PCDHA7: variants seen among roughly 807,000 people sequenced by gnomAD.
PCDHA7 encodes protocadherin alpha 7, also known as protocadherin alpha-7.
PCDHA7 carries 37 observed loss-of-function variants against 57.2 expected under a neutral mutation model. That is an observed-to-expected ratio of 0.65 (90% CI 0.50 to 0.85). The LOEUF (loss-of-function observed/expected upper bound fraction) is 0.85, where lower values mean the gene tolerates loss of function less well. Ranked by LOEUF, PCDHA7 falls within the 40% of genes least tolerant of loss-of-function variation. The pLI is 0.00. For synonymous variants in PCDHA7, 553 were observed against 558.8 expected, an observed-to-expected ratio of 0.99 and a Z score of 0.15; for missense variants, 1,188 against 1,241.8, an observed-to-expected ratio of 0.96 and a Z score of 0.65.
In PCDHA7 at chr5:140,877,673, C is replaced by T. The variant is rs1187719075; in HGVS notation, c.2355+40935C>T. The T allele has an allele frequency of 2.5e-5, 40 of 1,613,532 alleles. No individual in the cohort carries two copies. In the East Asian group the frequency reaches 8.0e-4, roughly 32 times the overall value. Reference sequence around the variant, plus strand: ...CCGCCCACCGTGAGCCGGTGCGCGCCGGGCAAGCCCACGCTGGTGTGCTCC... The same window carrying T: ...CCGCCCACCGTGAGCCGGTGCGCGCTGGGCAAGCCCACGCTGGTGTGCTCC... On this transcript the variant is annotated intron_variant, in intron 1 of 3. Transcript: ENST00000525929.
chr5:140,926,903 G>GT, intron 1 of PCDHA7: 1 of 1,558,060 alleles, frequency 6.4e-7, no homozygotes, highest in Non-Finnish European at 8.7e-7. Context: ...ATGGTGGGCT[G>GT]TGGGGTGGCA....
intron 1 of PCDHA7, among the ~76,000 whole-genome samples, chr5:140,958,951 A>C (rs1212039253): frequency 6.6e-6 from 1 of 151,992 alleles, no homozygotes; most frequent in Non-Finnish European, 1.5e-5. Flanking sequence ...ATATTATATT[A>C]TTATAATTGT....
At chr5:140,882,606 C>T in intron 1 of PCDHA7, 2 of 1,614,238 alleles carry the variant, frequency 1.2e-6, no homozygotes, top group Non-Finnish European at 1.7e-6. Context: ...GTGGACAGGC[C>T]TCTGCAGGTT....
At chr5:140,969,149 G>T (rs782510891) in intron 1 of PCDHA7, 9 of 1,614,120 alleles carry the variant, frequency 5.6e-6, no homozygotes, top group Admixed American at 1.7e-5. Context: ...CTGCTACAAG[G>T]CCTGTCTGAC....
chr5:140,940,076 T>C (rs1469877434), intron 1 of PCDHA7, among the ~76,000 whole-genome samples: 2 of 152,230 alleles, frequency 1.3e-5, no homozygotes, highest in Non-Finnish European at 2.9e-5. Flanking sequence ...ATGTGATATC[T>C]TTCTGCTAAA....
At chr5:140,858,594 G>A (rs1554151838) in intron 1 of PCDHA7, 5 of 1,317,532 alleles carry the variant, frequency 3.8e-6, no homozygotes, top group Admixed American at 2.6e-5. Context: ...TTTATTCCAG[G>A]AGTTTTAAAA....
In PCDHA7 at chr5:141,011,084, C is replaced by T. The variant is rs928216799; in HGVS notation, c.*1147C>T. 1.3e-5 allele frequency: 2 copies of T among 153,722 alleles called. No homozygotes were observed. The highest frequency in any genetic ancestry group is 6.5e-5 in the Admixed American group (1 of 15,272). The allele number at this position is 153,722 out of a possible 1,614,324, so 9.5% of individuals were successfully genotyped here. A position where few individuals can be genotyped will look rare whatever the true frequency, so the allele number is the denominator to read the frequency against. ...CATGTATTACTAAATAAAATGATCT[C>T]TCTTTCTCTCTCTCTCTCTCTTTTC... On this transcript the variant is annotated 3_prime_UTR_variant, in exon 4 of 4. Coordinates refer to ENST00000525929, the MANE Select transcript of PCDHA7 (RefSeq NM_018910.3).
intron 1 of PCDHA7, among the ~76,000 whole-genome samples, chr5:140,918,244 T>C (rs1554198493): frequency 6.6e-6 from 1 of 152,236 alleles, no homozygotes; most frequent in South Asian, 2.1e-4. Flanking sequence ...TGATTTTGTA[T>C]GCTGAAACTT....
intron 1 of PCDHA7, chr5:140,865,080 G>A (rs1166926722): frequency 6.6e-6 from 1 of 152,010 alleles, no homozygotes; most frequent in Non-Finnish European, 1.5e-5. Context: ...AAGAACCATG[G>A]GATATTAATA....
At position 140,856,908 on chromosome 5, in the gene PCDHA7, C is replaced by G. The variant is rs1319775845; in HGVS notation, c.2355+20170C>G. 7 of 1,595,460 alleles carry G rather than the reference C, an allele frequency of 4.4e-6. 1 individual carries two copies. The African/African-American group carries it at 9.4e-5, about 22-fold the overall frequency. On this transcript the variant is annotated intron_variant, in intron 1 of 3. Coordinates refer to ENST00000525929, the MANE Select transcript of PCDHA7 (RefSeq NM_018910.3). ...TCATTTAGCTCTTTGGTCCCACCCA[C>G]GATAAGAAGGAAATTTTGGATAAAC...
intron 3 of PCDHA7, chr5:140,989,029 T>C (rs1179991724): frequency 6.6e-6 from 1 of 152,170 alleles, no homozygotes. Context: ...TCAGTTATCA[T>C]TGATTCCTTT....
In PCDHA7 at chr5:140,877,377, C is replaced by A. The variant is rs575601254; in HGVS notation, c.2355+40639C>A. 8.1e-6 allele frequency: 13 copies of A among 1,614,008 alleles called. No homozygotes were observed. The South Asian group carries it at 1.1e-4, about 14-fold the overall frequency. ...ACACTGGCGAGATCAGCACGACACG[C>A]ATCCTGGATGAGGCGGACGCTCCGC... On this transcript the variant is annotated intron_variant, in intron 1 of 3. Transcript: ENST00000525929.
intron 1 of PCDHA7, chr5:140,928,707 C>T: frequency 6.2e-7 from 1 of 1,614,184 alleles, no homozygotes; most frequent in South Asian, 1.1e-5. Flanking sequence ...GGGCGTCTGA[C>T]TCTAGTCTCT....
Position 140,842,609 on chromosome 5 carries a change from G to T in PCDHA7, c.2355+5871G>T, listed in dbSNP as rs2150340474. 6.2e-5 allele frequency: 99 copies of T among 1,595,866 alleles called. 3 individuals carry two copies. In the East Asian group the frequency reaches 1.8e-3, roughly 29 times the overall value. On this transcript the variant is annotated intron_variant, in intron 1 of 3. Transcript: ENST00000525929. ...TGAGTTGGTGGTAACCGCGCGGGAC[G>T]GGGGCTCGCCTTCGCTGTGGGCCAC...
At chr5:140,926,538 G>T (rs155362) in intron 1 of PCDHA7, 176,859 of 210,462 alleles carry the variant, frequency 0.84, 75,003 homozygotes, top group African/African-American at 0.96. Context: ...CAGCCAGCGT[G>T]GTGGTCGAGA....
intron 1 of PCDHA7, among the ~76,000 whole-genome samples, chr5:140,884,904 A>G (rs2060400953): frequency 6.6e-6 from 1 of 152,226 alleles, no homozygotes; most frequent in Non-Finnish European, 1.5e-5. Flanking sequence ...TTTCTGTTGT[A>G]TTCTTAATAG....
Position 140,835,816 on chromosome 5 carries a change from C to T in PCDHA7, c.1433C>T (p.Ser478Leu), listed in dbSNP as rs1554135300. 2.5e-6 allele frequency: 4 copies of T among 1,612,612 alleles called. No homozygotes were observed. The highest frequency in any genetic ancestry group is 2.2e-5 in the East Asian group (1 of 44,834). ...NPPGCHIFTV[S>L]AGDADAQKNA... ...CCGGGCTGCCACATCTTCACTGTGT[C>T]GGCGGGGGACGCGGACGCGCAGAAG... is the stretch of plus-strand genomic sequence containing the variant. The change falls in exon 1 of 4, where the codon TCG becomes TTG. Residue 478 changes from serine (S) to leucine (L), a missense_variant. Coordinates refer to ENST00000525929, the MANE Select transcript of PCDHA7 (RefSeq NM_018910.3).
rs543216216 is a variant in PCDHA7, at chr5:140,917,329, G to A, written c.2356-61620G>A. 1.4e-4 allele frequency among the ~76,000 whole-genome samples: 20 copies of A among 144,014 alleles called. 2 individuals are homozygous for A. In the South Asian group the frequency reaches 2.0e-3, roughly 14 times the overall value. The allele number at this position is 144,014 out of a possible 152,430, so 94.5% of individuals were successfully genotyped here. ...ACAATTTGGTGTTCATGTGGCGGGG[G>A]AGGGGGGGGATGGTGTAGGCTTCTG... is the stretch of plus-strand genomic sequence containing the variant. On this transcript the variant is annotated intron_variant, in intron 1 of 3. Coordinates refer to ENST00000525929, the MANE Select transcript of PCDHA7 (RefSeq NM_018910.3).
Position 140,836,203 on chromosome 5 carries a change from T to G in PCDHA7, c.1820T>G (p.Leu607Arg), listed in dbSNP as rs2150255288. The G allele has an allele frequency of 4.3e-6, 7 of 1,613,840 alleles. 1 individual carries two copies. The highest frequency in any genetic ancestry group is 1.7e-5 in the Admixed American group (1 of 60,022). Residue 607 changes from leucine to arginine, a missense_variant, in exon 1 of 4, where the codon CTT (leucine) becomes CGT (arginine). Coordinates refer to ENST00000525929, the MANE Select transcript of PCDHA7 (RefSeq NM_018910.3). Reference sequence around the variant, plus strand: ...GCTGACTCAGGCTACAACGCGTGGCTTTCGTATGAGTTGCAACCGGTGGCG... The same window carrying G: ...GCTGACTCAGGCTACAACGCGTGGCGTTCGTATGAGTTGCAACCGGTGGCG... ...VDADSGYNAW[L>R]SYELQPVAAG...
Sources: allele counts gnomAD v4.1 joint callset (sites outside exome capture counted in the v4.1 genomes callset), GRCh38; gene constraint gnomAD v4.1.1; transcripts MANE v1.5; gene names NCBI Gene and HGNC (gene_info 2026-07-23, HGNC 2026-07-21).